The following GMDS variants were observed in gnomAD, a reference collection of about 807,000 sequenced individuals.
GMDS encodes the protein GDP-mannose 4,6-dehydratase, also known as GDP-mannose 4,6 dehydratase.
A neutral mutation model predicts 49.9 loss-of-function variants in GMDS; 20 were observed. The ratio of observed to expected loss-of-function variants is 0.40; its 90% CI spans 0.28 to 0.58. GMDS has a LOEUF of 0.58. GMDS is among the 20% of genes least tolerant of loss of function. The pLI is 0.42. For missense variants in GMDS, 362 were observed against 481.4 expected, an observed-to-expected ratio of 0.75 and a Z score of 2.32; for synonymous variants, 177 against 178.6, an observed-to-expected ratio of 0.99 and a Z score of 0.07.
intron 4 of GMDS, among the ~76,000 whole-genome samples, chr6:1,982,751 C>T (rs1311131828): frequency 2.0e-5 from 3 of 152,236 alleles, no homozygotes; most frequent in East Asian, 3.9e-4. Flanking sequence ...GGAAAAACAT[C>T]AAATGCTCAT....
chr6:1,704,563 C>T (rs1355681890), intron 9 of GMDS, among the ~76,000 whole-genome samples: 5 of 152,288 alleles, frequency 3.3e-5, no homozygotes, highest in South Asian at 2.1e-4. Context: ...AGGAAGAGGG[C>T]CAGGACAGGT....
At chr6:1,947,093 T>C (rs769023745) in intron 6 of GMDS, among the ~76,000 whole-genome samples, 1 of 152,194 alleles carries the variant, frequency 6.6e-6, no homozygotes, top group Admixed American at 6.5e-5. Context: ...TCTTTTCCTA[T>C]ATTTTCAGTT....
chr6:2,039,236 C>T (rs1274453623), intron 4 of GMDS, among the ~76,000 whole-genome samples: 1 of 152,056 alleles, frequency 6.6e-6, no homozygotes, highest in Non-Finnish European at 1.5e-5. Context: ...AAGGTACTTC[C>T]CATGAATGGA....
intron 1 of GMDS, among the ~76,000 whole-genome samples, chr6:2,126,623 G>A (rs1210820792): frequency 2.0e-5 from 3 of 152,034 alleles, no homozygotes; most frequent in African/African-American, 4.8e-5. Context: ...TTAAAACCTA[G>A]AGCAGATTTT....
At chr6:1,892,805 T>C (rs916375210) in intron 7 of GMDS, among the ~76,000 whole-genome samples, 1 of 152,260 alleles carries the variant, frequency 6.6e-6, no homozygotes, top group Non-Finnish European at 1.5e-5. Context: ...GCTGTGTCAA[T>C]GGAACAGCCA....
intron 9 of GMDS, among the ~76,000 whole-genome samples, chr6:1,700,408 T>C (rs1414099353): frequency 6.6e-6 from 1 of 152,112 alleles, no homozygotes. Context: ...ATACAGCTCC[T>C]CAGTACCACT....
intron 7 of GMDS, among the ~76,000 whole-genome samples, chr6:1,758,827 T>G (rs1768053218): frequency 6.6e-6 from 1 of 152,154 alleles, no homozygotes; most frequent in South Asian, 2.1e-4. Context: ...TCCCAGCACT[T>G]TGGGAAGCCA....
chr6:1,969,261 CAAAAAAAAAAA>C lies in GMDS; in HGVS notation c.346-8306_346-8296del, dbSNP rs761741871. Among the ~76,000 whole-genome samples the C allele has an allele frequency of 0.012, 171 of 14,094 alleles. 7 individuals are homozygous for C. The East Asian group carries it at 0.16, about 13-fold the overall frequency. 9.2% of individuals were successfully genotyped at this position (14,094 alleles called of 152,430 possible). A position where few individuals can be genotyped will look rare whatever the true frequency, so the allele number is the denominator to read the frequency against. On this transcript the variant is annotated intron_variant, in intron 4 of 10. Transcript: ENST00000380815. ...TGGGTGACAGAGTGAGGCTCCATCT[CAAAAAAAAAAA>C]AAAAAAAAAAAAAAAAAAGAGAAAG...
At chr6:1,809,231 G>C (rs1770310648) in intron 7 of GMDS, among the ~76,000 whole-genome samples, 1 of 152,076 alleles carries the variant, frequency 6.6e-6, no homozygotes, top group Admixed American at 6.6e-5. Flanking sequence ...ATCCAATCAA[G>C]AATATAAAGG....
At chr6:1,717,764 ATAAT>A (rs1266545049) in intron 9 of GMDS, 3 of 152,244 alleles carry the variant, frequency 2.0e-5, no homozygotes, top group African/African-American at 4.8e-5. Context: ...TATGATAATG[ATAAT>A]TAATAATGAT....
rs114428337 is a variant in GMDS at position 2,182,021 on chromosome 6, G to A, written c.103-57290C>T. ...TGTGAATGCACATGAAAAGTTCTTG[G>A]AGAAAATTAAAAGTACTACTCCAGT... On this transcript the variant is annotated intron_variant, in intron 1 of 10. Coordinates refer to ENST00000380815, the MANE Select transcript of GMDS (RefSeq NM_001500.4). Among the ~76,000 whole-genome samples, 1,012 of 152,302 alleles carry A rather than the reference G, an allele frequency of 6.6e-3. 14 individuals carry two copies. Among genetic ancestry groups the A allele is most frequent in the African/African-American group, 0.023 (968 of 41,552 alleles).
At chr6:2,224,811 G>A (rs1207201786) in intron 1 of GMDS, among the ~76,000 whole-genome samples, 3 of 152,192 alleles carry the variant, frequency 2.0e-5, no homozygotes, top group Non-Finnish European at 4.4e-5. Flanking sequence ...ACAGCCAAGA[G>A]TAAAACATTA....
At chr6:1,695,536 T>C (rs1765308284) in intron 9 of GMDS, among the ~76,000 whole-genome samples, 1 of 152,218 alleles carries the variant, frequency 6.6e-6, no homozygotes, top group African/African-American at 2.4e-5. Flanking sequence ...TATGTTATAT[T>C]GGTAATCATA....
intron 1 of GMDS, among the ~76,000 whole-genome samples, chr6:2,240,268 T>A (rs1224639334): frequency 6.6e-6 from 1 of 152,216 alleles, no homozygotes; most frequent in African/African-American, 2.4e-5. Flanking sequence ...ACCTCCCACA[T>A]TCAACTTCCT....
intron 9 of GMDS, among the ~76,000 whole-genome samples, chr6:1,718,793 A>G (rs1766266081): frequency 6.7e-6 from 1 of 149,450 alleles, no homozygotes; most frequent in African/African-American, 2.4e-5. Flanking sequence ...TTTCATATAT[A>G]TATATTTTCT....
At chr6:2,050,181 A>G (rs1581573540) in intron 4 of GMDS, among the ~76,000 whole-genome samples, 2 of 152,336 alleles carry the variant, frequency 1.3e-5, no homozygotes, top group East Asian at 3.9e-4. Context: ...CAATAAAAAA[A>G]TGATAGAGGG....
At position 1,959,953 on chromosome 6, in the gene GMDS, G is replaced by T; in HGVS notation, c.557C>A (p.Ala186Asp). Residue 186 changes from alanine (A) to aspartate (D), a missense_variant, in exon 6 of 11, where the codon GCC becomes GAC. Transcript: ENST00000380815. ...ACGGAAGTTCACCACAATCCAATAG[G>T]CATAGAGTTTTGCTGCCCCTGTTGG... ...RSPYGAAKLY[A>D]YWIVVNFREA... 6.2e-7 allele frequency: 1 copy of T among 1,600,892 alleles called. No individual in the cohort carries two copies. Among genetic ancestry groups the T allele is most frequent in the Non-Finnish European group, 8.5e-7 (1 of 1,174,344 alleles).
At chr6:1,656,701 T>C (rs1763893708) in intron 9 of GMDS, among the ~76,000 whole-genome samples, 1 of 151,772 alleles carries the variant, frequency 6.6e-6, no homozygotes, top group African/African-American at 2.4e-5. Context: ...GAGGTAAAGG[T>C]TGCAGTGAGC....
rs116201869 is a variant in GMDS, at chr6:2,188,852, T to C, written c.102+56469A>G. Among the ~76,000 whole-genome samples the C allele has an allele frequency of 8.3e-3, 1,268 of 152,224 alleles. 16 individuals are homozygous for C. The highest frequency in any genetic ancestry group is 0.029 in the African/African-American group (1,200 of 41,540). Reference sequence around the variant, plus strand: ...GGTGAGGACGTGGAAGAGGCTGCCATACCCAGAAACAACAAGGTGGGCCCT... The same window carrying C: ...GGTGAGGACGTGGAAGAGGCTGCCACACCCAGAAACAACAAGGTGGGCCCT... On this transcript the variant is annotated intron_variant, in intron 1 of 10. Coordinates refer to ENST00000380815, the MANE Select transcript of GMDS (RefSeq NM_001500.4).
Sources: gnomAD v4.1 joint callset for allele counts (sites outside exome capture counted in the v4.1 genomes callset) on GRCh38, gnomAD v4.1.1 for gene constraint, MANE v1.5 for transcripts, NCBI Gene and HGNC (gene_info 2026-07-23, HGNC 2026-07-21) for gene names.